DLEU7: variants seen among roughly 807,000 people sequenced by gnomAD.
The protein encoded by DLEU7 is deleted in lymphocytic leukemia 7.
DLEU7 carries 17 observed loss-of-function variants against 16.0 expected under a neutral mutation model. That is an observed-to-expected ratio of 1.06 (90% CI 0.73 to 1.59). The LOEUF (loss-of-function observed/expected upper bound fraction) is 1.59, where lower values mean the gene tolerates loss of function less well. Among genes scored for constraint, DLEU7 ranks in the 40% most tolerant of loss-of-function variants. DLEU7 has a pLI of 0.00. For synonymous variants in DLEU7, 113 were observed against 139.8 expected (o/e 0.81, Z 1.35); for missense variants, 308 against 314.9 (o/e 0.98, Z 0.17).
chr13:50,764,331 A>G (rs183204837), intron 1 of DLEU7, among the ~76,000 whole-genome samples: 1 of 152,322 alleles, frequency 6.6e-6, no homozygotes, highest in African/African-American at 2.4e-5. Context: ...CCACTCCTAT[A>G]TTATTTCTTC....
chr13:50,726,749 C>T lies in DLEU7; in HGVS notation c.460-13509G>A, dbSNP rs2137712309. Among the ~76,000 whole-genome samples the T allele has an allele frequency of 6.6e-6, 1 of 152,170 alleles. No homozygotes were observed. The highest frequency in any genetic ancestry group is 1.5e-5 in the Non-Finnish European group (1 of 68,006). ...CACCTATGAGTCTAGGTGGCAGTTTCTAATTAGGGCTGTGACCTTGACCAT... is the reference window on the plus strand; with the variant it reads ...CACCTATGAGTCTAGGTGGCAGTTTTTAATTAGGGCTGTGACCTTGACCAT... On this transcript the variant is annotated intron_variant, in intron 1 of 1. Coordinates refer to the DLEU7 transcript ENST00000400393. The surrounding 1 kb of genome is among the most constrained non-coding windows in gnomAD (Gnocchi z 4.0).
At position 50,738,960 on chromosome 13, in the gene DLEU7, AATAC is replaced by A. The variant is rs1479420694; in HGVS notation, c.460-25724_460-25721del. Among the ~76,000 whole-genome samples the A allele has an allele frequency of 5.3e-5, 6 of 113,366 alleles. No homozygotes were observed. In the Admixed American group the frequency reaches 5.8e-4, roughly 11 times the overall value. The allele number at this position is 113,366 out of a possible 152,430, so 74.4% of individuals were successfully genotyped here. A position where few individuals can be genotyped will look rare whatever the true frequency, so the allele number is the denominator to read the frequency against. ...TCCCAGTGAGCAGCCTCTAAAAAATAATACACACACACACACACACACACACACA... is the reference window on the plus strand; with the variant it reads ...TCCCAGTGAGCAGCCTCTAAAAAATAACACACACACACACACACACACACA... On this transcript the variant is annotated intron_variant, in intron 1 of 1. Coordinates refer to the DLEU7 transcript ENST00000400393.
intron 1 of DLEU7, among the ~76,000 whole-genome samples, chr13:50,780,790 G>T (rs1052812770): frequency 6.6e-6 from 1 of 152,194 alleles, no homozygotes; most frequent in African/African-American, 2.4e-5. Flanking sequence ...GATGGAATCT[G>T]TGAGTGTGCA....
chr13:50,757,126 C>T lies in DLEU7; in HGVS notation c.460-43886G>A, dbSNP rs184090921. Among the ~76,000 whole-genome samples the T allele has an allele frequency of 1.3e-3, 198 of 152,318 alleles. 6 individuals are homozygous for T. The highest frequency in any genetic ancestry group is 0.013 in the Admixed American group (195 of 15,304). The stretch of plus-strand genomic sequence containing the variant: ...GCTTCTTTCAGAGGGTCTGTGGATC[C>T]TCTCAGGATTTCTGGTTTATTCTTG... On this transcript the variant is annotated intron_variant, in intron 1 of 1. Coordinates refer to the DLEU7 transcript ENST00000400393.
At chr13:50,761,896 C>T (rs990044480) in intron 1 of DLEU7, among the ~76,000 whole-genome samples, 1 of 151,954 alleles carries the variant, frequency 6.6e-6, no homozygotes, top group African/African-American at 2.4e-5. Context: ...AGATTCTTAA[C>T]TTGAAAATAT....
intron 1 of DLEU7, among the ~76,000 whole-genome samples, chr13:50,753,535 A>G (rs34015639): frequency 0.47 from 71,612 of 151,640 alleles, 17,891 homozygotes; most frequent in African/African-American, 0.63. Context: ...TACATCCTCC[A>G]CAGCCGCTGG....
chr13:50,748,427 C>T (rs1874465393), intron 1 of DLEU7, among the ~76,000 whole-genome samples: 1 of 151,888 alleles, frequency 6.6e-6, no homozygotes. Flanking sequence ...TTATAAAGGA[C>T]ATGAGTCTAA....
intron 1 of DLEU7, 131 bp from the exon 2 acceptor site, chr13:50,823,651 C>G: frequency 9.2e-7 from 1 of 1,087,462 alleles, no homozygotes; most frequent in South Asian, 1.7e-5. Context: ...TCTTGGAAAA[C>G]TACACCCCAT....
intron 1 of DLEU7, among the ~76,000 whole-genome samples, chr13:50,827,029 A>G (rs1223334007): frequency 1.3e-5 from 2 of 152,246 alleles, no homozygotes; most frequent in African/African-American, 2.4e-5. Context: ...AGGAAATTCA[A>G]CTGAAAATGG....
chr13:50,799,791 C>G (rs1486362562), intron 1 of DLEU7, among the ~76,000 whole-genome samples: 1 of 152,228 alleles, frequency 6.6e-6, no homozygotes, highest in Non-Finnish European at 1.5e-5. Context: ...AGATACTTCT[C>G]TTTCCTCTGC....
intron 1 of DLEU7, among the ~76,000 whole-genome samples, chr13:50,799,055 C>T (rs915884366): frequency 5.3e-5 from 8 of 152,134 alleles, no homozygotes; most frequent in African/African-American, 1.4e-4. Context: ...TTTTTGAAAC[C>T]TCAAAAGCCA....
At chr13:50,790,568 G>A (rs1474271963) in intron 1 of DLEU7, among the ~76,000 whole-genome samples, 2 of 152,072 alleles carry the variant, frequency 1.3e-5, no homozygotes, top group African/African-American at 4.8e-5. Context: ...GGAATCCTCG[G>A]TCTCTCACAC....
intron 1 of DLEU7, among the ~76,000 whole-genome samples, chr13:50,827,606 G>A (rs1299726127): frequency 2.0e-5 from 3 of 151,982 alleles, no homozygotes; most frequent in African/African-American, 7.2e-5. Context: ...GGATCACATT[G>A]AGCCCAGGAG....
At chr13:50,717,204 C>T (rs573919929) in intron 1 of DLEU7, among the ~76,000 whole-genome samples, 1 of 152,146 alleles carries the variant, frequency 6.6e-6, no homozygotes, top group South Asian at 2.1e-4. Context: ...TTGAGGCCAT[C>T]ATATGACTAT....
chr13:50,770,696 G>C (rs948758066), intron 1 of DLEU7, among the ~76,000 whole-genome samples: 2 of 152,092 alleles, frequency 1.3e-5, no homozygotes, highest in African/African-American at 4.8e-5. Flanking sequence ...GAGGATTTTC[G>C]CATCGATGTT....
At chr13:50,768,175 C>T (rs1030570036) in intron 1 of DLEU7, among the ~76,000 whole-genome samples, 6 of 152,082 alleles carry the variant, frequency 3.9e-5, no homozygotes, top group African/African-American at 1.4e-4. Flanking sequence ...AACAAATACT[C>T]TCAGGTTTTG....
At chr13:50,729,187 C>T (rs1314531767) in intron 1 of DLEU7, among the ~76,000 whole-genome samples, 5 of 152,166 alleles carry the variant, frequency 3.3e-5, no homozygotes, top group Non-Finnish European at 7.4e-5. Context: ...CTCCCACCCT[C>T]CACCCTCAAT....
rs1040319632 is a variant in DLEU7, at chr13:50,843,400, C to G, written c.247G>C (p.Ala83Pro). 9.9e-5 allele frequency: 130 copies of G among 1,319,596 alleles called. No individual in the cohort carries two copies. The highest frequency in any genetic ancestry group is 1.2e-4 in the Non-Finnish European group (122 of 1,038,110). 81.7% of individuals were successfully genotyped at this position (1,319,596 alleles called of 1,614,324 possible). A position where few individuals can be genotyped will look rare whatever the true frequency, so the allele number is the denominator to read the frequency against. The change falls in exon 1 of 2, where the codon GCG (alanine) becomes CCG (proline). Residue 83 changes from alanine to proline, a missense_variant. By Grantham distance (27) the Ala-to-Pro change is conservative (BLOSUM62 -1). Coordinates refer to ENST00000504404, the MANE Select transcript of DLEU7 (RefSeq NM_001306135.2). This position sits in a 1 kb window ranked among gnomAD's most constrained non-coding sequence, Gnocchi z 5.7. ...GTRSRRTAAR[A>P]NSPEEEVVRG... ...ACTACCTCCTCCTCTGGGGAGTTCG[C>G]CCGCGCCGCGGTCCGCCGACTCCTG...
intron 1 of DLEU7, among the ~76,000 whole-genome samples, chr13:50,798,756 T>C (rs1876167796): frequency 6.6e-6 from 1 of 152,202 alleles, no homozygotes; most frequent in Non-Finnish European, 1.5e-5. Flanking sequence ...TCACTCCCTG[T>C]ATCAGAGTGC....
Sources: gnomAD v4.1 joint callset for allele counts (sites outside exome capture counted in the v4.1 genomes callset) on GRCh38, gnomAD v4.1.1 for gene constraint, Gnocchi (gnomAD v3.1) non-coding constraint, MANE v1.5 for transcripts, NCBI Gene and HGNC (gene_info 2026-07-23, HGNC 2026-07-21) for gene names.